The following GRIN2B variants were observed in gnomAD, a reference collection of about 807,000 sequenced individuals.
The protein encoded by GRIN2B is glutamate receptor ionotropic, NMDA 2B.
GRIN2B carries 5 observed loss-of-function variants against 114.5 expected under a neutral mutation model. The ratio of observed to expected loss-of-function variants is 0.04; its 90% CI spans 0.02 to 0.09. GRIN2B has a LOEUF of 0.09. GRIN2B is among the 10% of genes least tolerant of loss of function. GRIN2B has a pLI of 1.00. For synonymous variants in GRIN2B, 787 were observed against 745.1 expected, an observed-to-expected ratio of 1.06 and a Z score of -0.92; for missense variants, 1,108 against 1,943.5, an observed-to-expected ratio of 0.57 and a Z score of 8.08.
rs201147007 is a variant in GRIN2B, at chr12:13,547,977, A to ATTTTTT, written c.*14805_*14806insAAAAAA. 3.5e-5 allele frequency: 2 copies of ATTTTTT among 57,380 alleles called. No homozygotes were observed. The highest frequency in any genetic ancestry group is 5.5e-5 in the African/African-American group (1 of 18,082). 3.6% of individuals were successfully genotyped at this position (57,380 alleles called of 1,614,324 possible). Reference sequence around the variant, plus strand: ...TGTGTGTGTATATATATATATATATATATATTTTTTTTTTTTTTCTGAAAG... The same window carrying ATTTTTT: ...TGTGTGTGTATATATATATATATATATTTTTTTATATTTTTTTTTTTTTTCTGAAAG... On this transcript the variant is annotated 3_prime_UTR_variant, in exon 14 of 14. Transcript: ENST00000609686.
chr12:13,656,905 G>A (rs904766222), intron 5 of GRIN2B, among the ~76,000 whole-genome samples: 1 of 152,186 alleles, frequency 6.6e-6, no homozygotes. Context: ...GGGACATTTT[G>A]TGACTTGTCC....
At chr12:13,713,828 C>T (rs907860564) in intron 4 of GRIN2B, among the ~76,000 whole-genome samples, 1 of 151,870 alleles carries the variant, frequency 6.6e-6, no homozygotes, top group South Asian at 2.1e-4. Flanking sequence ...TTATTACCAA[C>T]CACTTAGAGC....
intron 4 of GRIN2B, among the ~76,000 whole-genome samples, chr12:13,711,134 T>C (rs192276847): frequency 2.0e-5 from 3 of 152,086 alleles, no homozygotes; most frequent in Non-Finnish European, 4.4e-5. Flanking sequence ...GAGAAACGAT[T>C]CCCTATTTAA....
chr12:13,952,914 G>A (rs1167099484), intron 2 of GRIN2B, among the ~76,000 whole-genome samples: 1 of 151,234 alleles, frequency 6.6e-6, no homozygotes, highest in South Asian at 2.1e-4. Context: ...CCCAAAACTT[G>A]GTAGCATAAA....
intron 2 of GRIN2B, among the ~76,000 whole-genome samples, chr12:13,972,106 A>G (rs1464098893): frequency 6.6e-6 from 1 of 152,224 alleles, no homozygotes; most frequent in Non-Finnish European, 1.5e-5. Context: ...GCTTCGCATT[A>G]GAATCCTGCA....
In GRIN2B at chr12:13,564,751, G is replaced by GA; in HGVS notation, c.2599-113dup. ...ACTGGATAAGAAAAAGGGAAAGCAT[G>GA]AAGCGAATAGTCTAATATACTATTA... On this transcript the variant is annotated intron_variant, in intron 13 of 13. Transcript: ENST00000609686. This position sits in a 1 kb window ranked among gnomAD's most constrained non-coding sequence, Gnocchi z 4.8. The GA allele has an allele frequency of 1.0e-6, 1 of 968,742 alleles. No homozygotes were observed. Among genetic ancestry groups the GA allele is most frequent in the Admixed American group, 1.7e-5 (1 of 58,206 alleles). 60.0% of individuals were successfully genotyped at this position (968,742 alleles called of 1,614,324 possible). A position where few individuals can be genotyped will look rare whatever the true frequency, so the allele number is the denominator to read the frequency against.
intron 3 of GRIN2B, among the ~76,000 whole-genome samples, chr12:13,776,170 G>T (rs1257139582): frequency 6.6e-6 from 1 of 152,118 alleles, no homozygotes; most frequent in East Asian, 1.9e-4. Context: ...GAAAACTAAT[G>T]CAGGAACAGA....
In GRIN2B at chr12:13,563,011, G is replaced by A. The variant is rs372453607; in HGVS notation, c.4227C>T (p.Pro1409=). Residue 1409 remains proline, a synonymous_variant, in exon 14 of 14, where the codon CCC becomes CCT. Transcript: ENST00000609686. ...TGGCTTTCGACGCCCCCGCCACCGT[G>A]GGCTGCCTGAAGAAGTAGGATTTGC... ...HGSKSYFFRQ[P]TVAGASKARP... is the part of the protein sequence containing the mutation. The A allele has an allele frequency of 1.2e-6, 2 of 1,613,790 alleles. No individual in the cohort carries two copies. The highest frequency in any genetic ancestry group is 2.7e-5 in the African/African-American group (2 of 74,926).
intron 3 of GRIN2B, among the ~76,000 whole-genome samples, chr12:13,826,834 T>C (rs994522134): frequency 6.6e-6 from 1 of 152,162 alleles, no homozygotes; most frequent in East Asian, 1.9e-4. Flanking sequence ...TCTAAGTTTA[T>C]ATCTGATACC....
chr12:13,702,770 A>G (rs1950324659), intron 4 of GRIN2B, among the ~76,000 whole-genome samples: 1 of 152,154 alleles, frequency 6.6e-6, no homozygotes, highest in Non-Finnish European at 1.5e-5. Context: ...CAGCATTAAA[A>G]ATTTTAAGTT....
chr12:13,658,842 C>T (rs1344873911), intron 5 of GRIN2B, among the ~76,000 whole-genome samples: 1 of 151,724 alleles, frequency 6.6e-6, no homozygotes, highest in Non-Finnish European at 1.5e-5. Flanking sequence ...CAGGCTTCAT[C>T]CCCTCCTCTC....
chr12:13,922,787 A>G lies in GRIN2B; in HGVS notation c.-18-56561T>C, dbSNP rs551315064. On this transcript the variant is annotated intron_variant, in intron 2 of 13. Coordinates refer to ENST00000609686, the MANE Select transcript of GRIN2B (RefSeq NM_000834.5). ...GCACCAAAACTGTGCTTTGGGAAACAACGCCTCCTCCAGTGGATAAAATCT... is the reference window on the plus strand; with the variant it reads ...GCACCAAAACTGTGCTTTGGGAAACGACGCCTCCTCCAGTGGATAAAATCT... Among the ~76,000 whole-genome samples the G allele has an allele frequency of 2.0e-5, 3 of 152,298 alleles. No individual in the cohort carries two copies. In the South Asian group the frequency reaches 6.2e-4, roughly 32 times the overall value.
chr12:13,803,821 G>A (rs1864556947), intron 3 of GRIN2B, among the ~76,000 whole-genome samples: 1 of 152,138 alleles, frequency 6.6e-6, no homozygotes, highest in African/African-American at 2.4e-5. Context: ...AATTCACAAG[G>A]GGTTACCCAC....
At chr12:13,959,512 C>T (rs1406294509) in intron 2 of GRIN2B, among the ~76,000 whole-genome samples, 5 of 151,980 alleles carry the variant, frequency 3.3e-5, no homozygotes, top group Admixed American at 1.3e-4. Flanking sequence ...GAGGTCCAGG[C>T]GGGGGATGCC....
At chr12:13,978,470 A>G (rs1255018894) in intron 2 of GRIN2B, among the ~76,000 whole-genome samples, 3 of 152,210 alleles carry the variant, frequency 2.0e-5, no homozygotes, top group Non-Finnish European at 4.4e-5. Context: ...GATTACATCT[A>G]TCCTTTCTGG....
At chr12:13,900,474 T>C (rs1368358418) in intron 2 of GRIN2B, among the ~76,000 whole-genome samples, 1 of 147,172 alleles carries the variant, frequency 6.8e-6, no homozygotes, top group Non-Finnish European at 1.5e-5. Flanking sequence ...AAACTCCATC[T>C]CAAAAAAAAA....
chr12:13,744,448 G>A (rs1349382019), intron 4 of GRIN2B, among the ~76,000 whole-genome samples: 3 of 152,042 alleles, frequency 2.0e-5, no homozygotes, highest in Admixed American at 6.6e-5. Flanking sequence ...TTCCACAGGC[G>A]GTCATTTATG....
At chr12:13,904,102 A>G (rs988093111) in intron 2 of GRIN2B, among the ~76,000 whole-genome samples, 5 of 152,040 alleles carry the variant, frequency 3.3e-5, no homozygotes, top group Admixed American at 1.3e-4. Context: ...TTTTAATACA[A>G]TATGAAAATG....
intron 5 of GRIN2B, among the ~76,000 whole-genome samples, chr12:13,651,115 AG>A (rs1949808161): frequency 6.6e-6 from 1 of 152,106 alleles, no homozygotes. Flanking sequence ...CTAGAAGAAA[AG>A]GGGCAAGAGA....
Sources: allele counts gnomAD v4.1 joint callset (sites outside exome capture counted in the v4.1 genomes callset), GRCh38; gene constraint gnomAD v4.1.1; non-coding constraint Gnocchi (gnomAD v3.1); transcripts MANE v1.5; gene names NCBI Gene and HGNC (gene_info 2026-07-23, HGNC 2026-07-21).